The following SLC45A2 variants were observed in gnomAD, a reference collection of about 807,000 sequenced individuals.
The protein encoded by SLC45A2 is membrane-associated transporter protein.
In SLC45A2, 36 loss-of-function variants were observed where a neutral mutation model predicts 45.5. The ratio of observed to expected loss-of-function variants is 0.79; its 90% confidence interval spans 0.61 to 1.04. The LOEUF (loss-of-function observed/expected upper bound fraction) is 1.04, where lower values mean the gene tolerates loss of function less well. Ranked by LOEUF, SLC45A2 falls within the 50% of genes least tolerant of loss-of-function variation. The pLI, the probability that SLC45A2 is intolerant of heterozygous loss-of-function variation, is 0.00. For synonymous variants in SLC45A2, 306 were observed against 269.3 expected (o/e 1.14, Z -1.33); for missense variants, 719 against 671.0 (o/e 1.07, Z -0.79).
At chr5:33,966,433 T>C (rs1032990116) in intron 2 of SLC45A2, among the ~76,000 whole-genome samples, 5 of 141,668 alleles carry the variant, frequency 3.5e-5, no homozygotes, top group Admixed American at 7.0e-5. Flanking sequence ...CTTTCTTTTT[T>C]TTTTTTTTTT....
chr5:33,945,052 G>C (rs1035459831), intron 6 of SLC45A2, among the ~76,000 whole-genome samples, 180 bp from the exon 7 acceptor site: 1 of 152,228 alleles, frequency 6.6e-6, no homozygotes, highest in Non-Finnish European at 1.5e-5. Flanking sequence ...GCAATGTGGA[G>C]CTGAGTTGGC....
chr5:33,946,707 CA>C, intron 6 of SLC45A2: 3 of 1,052,246 alleles, frequency 2.9e-6, no homozygotes, highest in Non-Finnish European at 3.4e-6. Flanking sequence ...CTACCCTCAG[CA>C]AATAATGCCA....
intron 2 of SLC45A2, among the ~76,000 whole-genome samples, chr5:33,980,213 C>T (rs957594752): frequency 1.3e-5 from 2 of 152,116 alleles, no homozygotes; most frequent in African/African-American, 2.4e-5. Context: ...ACCGAACCCC[C>T]CTCCTACTCC....
At chr5:33,959,760 C>A (rs772853029) in intron 3 of SLC45A2, among the ~76,000 whole-genome samples, 1 of 152,106 alleles carries the variant, frequency 6.6e-6, no homozygotes, top group Non-Finnish European at 1.5e-5. Context: ...TTCAGCAGAT[C>A]ATACTCAACC....
At chr5:33,975,096 G>A (rs1047516347) in intron 2 of SLC45A2, among the ~76,000 whole-genome samples, 7 of 152,228 alleles carry the variant, frequency 4.6e-5, no homozygotes, top group African/African-American at 1.2e-4. Context: ...GTTGGGGAAA[G>A]AAATTGCTCT....
At chr5:33,950,399 G>T (rs1041204629) in intron 5 of SLC45A2, among the ~76,000 whole-genome samples, 1 of 152,300 alleles carries the variant, frequency 6.6e-6, no homozygotes, top group East Asian at 1.9e-4. Context: ...CTAAATAAAT[G>T]TGATCTTTAA....
At chr5:33,945,592 C>A (rs1751896764) in intron 6 of SLC45A2, among the ~76,000 whole-genome samples, 1 of 152,026 alleles carries the variant, frequency 6.6e-6, no homozygotes, top group Non-Finnish European at 1.5e-5. Flanking sequence ...TCCCTGGATG[C>A]ACATGTTATT....
intron 2 of SLC45A2, among the ~76,000 whole-genome samples, chr5:33,971,846 C>T (rs140774724): frequency 0.016 from 2,511 of 152,222 alleles, 33 homozygotes; most frequent in Non-Finnish European, 0.028. Context: ...AGGCTGGTCT[C>T]GAACTCCCGA....
chr5:33,968,318 C>T (rs1752666430), intron 2 of SLC45A2, among the ~76,000 whole-genome samples: 2 of 152,200 alleles, frequency 1.3e-5, no homozygotes, highest in Admixed American at 1.3e-4. Context: ...CCTCCCACAC[C>T]TACATCCAGA....
intron 2 of SLC45A2, among the ~76,000 whole-genome samples, chr5:33,968,449 A>T (rs1042895288): frequency 6.6e-6 from 1 of 152,196 alleles, no homozygotes; most frequent in Non-Finnish European, 1.5e-5. Flanking sequence ...TTAGATAACA[A>T]GCTTTTACAA....
At position 33,984,381 on chromosome 5, in the gene SLC45A2, C is replaced by A. The variant is rs753039715; in HGVS notation, c.203G>T (p.Ser68Ile). 5.6e-6 allele frequency: 9 copies of A among 1,613,654 alleles called. No individual in the cohort carries two copies. The highest frequency in any genetic ancestry group is 7.6e-6 in the Non-Finnish European group (9 of 1,179,830). The change falls in exon 1 of 7, where the codon AGC becomes ATC. Residue 68 changes from serine (S) to isoleucine (I), a missense_variant. Physicochemically the swap from Ser to Ile is moderately radical, Grantham distance 142. Coordinates refer to ENST00000296589, the MANE Select transcript of SLC45A2 (RefSeq NM_016180.5). ...PVLLSVGLPS[S>I]LYSIVWFLSP... is the part of the protein sequence containing the mutation. ...GAGGAACCACACAATGCTGTACAGG[C>A]TGCTGGGCAGACCTACGCTGAGCAG...
intron 4 of SLC45A2, among the ~76,000 whole-genome samples, chr5:33,952,690 T>A (rs867373267): frequency 1.9e-3 from 52 of 26,952 alleles, no homozygotes; most frequent in East Asian, 5.6e-3. Context: ...TTTTTTTTTT[T>A]AATTTTTTTT....
Position 33,982,256 on chromosome 5 carries a change from T to G in SLC45A2, c.542A>C (p.His181Pro), listed in dbSNP as rs1753099271. The change falls in exon 2 of 7, where the codon CAC (histidine) becomes CCC (proline). Residue 181 changes from histidine to proline, a missense_variant. Coordinates refer to ENST00000296589, the MANE Select transcript of SLC45A2 (RefSeq NM_016180.5). ...CCTACCTGTGAAGAGGGCATGGTAG[T>G]GGAGGCCCTTCTCCTTGTCCTGATG... ...CSHQDKEKGLHYHALFTGFGG... is the reference protein window; with the variant it reads ...CSHQDKEKGLPYHALFTGFGG... 1 of 1,613,908 alleles carries G rather than the reference T, an allele frequency of 6.2e-7. No individual in the cohort carries two copies. The highest frequency in any genetic ancestry group is 1.3e-5 in the African/African-American group (1 of 74,910).
chr5:33,979,816 A>T lies in SLC45A2; in HGVS notation c.562+2420T>A, dbSNP rs565096250. On this transcript the variant is annotated intron_variant, in intron 2 of 6. Transcript: ENST00000296589. ...ACTAGTATTTCAGATTTACTTTAGG[A>T]TGACCTTGGCCGAGAGGAAGGGTCC... Among the ~76,000 whole-genome samples, 150 of 152,322 alleles carry T rather than the reference A, an allele frequency of 9.8e-4. 1 individual carries two copies. Among genetic ancestry groups the T allele is most frequent in the African/African-American group, 3.4e-3 (143 of 41,570 alleles).
rs374730575 is a variant in SLC45A2 at position 33,947,259 on chromosome 5, G to T, written c.1272C>A (p.Thr424=). 33 of 1,614,194 alleles carry T rather than the reference G, an allele frequency of 2.0e-5. No homozygotes were observed. Among genetic ancestry groups the T allele is most frequent in the East Asian group, 1.8e-4 (8 of 44,876 alleles). ...CACCAAACAGGCTGCACAGGACCAGGGTGGAGTAGACATTCGGGAAGAGCC... is the reference window on the plus strand; with the variant it reads ...CACCAAACAGGCTGCACAGGACCAGTGTGGAGTAGACATTCGGGAAGAGCC... ...FIGLFPNVYS[T]LVLCSLFGVM... Residue 424 remains threonine (T), a synonymous_variant, in exon 6 of 7, where the codon ACC becomes ACA. Transcript: ENST00000296589.
rs1299415592 is a variant in SLC45A2 at position 33,984,555 on chromosome 5, C to T, written c.29G>A (p.Arg10His). 1.9e-6 allele frequency: 3 copies of T among 1,611,274 alleles called. No individual in the cohort carries two copies. Among genetic ancestry groups the T allele is most frequent in the Middle Eastern group, 1.7e-4 (1 of 6,006 alleles). MGSNSGQAGRHIYKSLADDG... is the reference protein window; with the variant it reads MGSNSGQAGHHIYKSLADDG... Reference sequence around the variant, plus strand: ...ATCAGCTAGGGATTTATAGATGTGGCGGCCAGCCTGCCCACTGTTGCTACC... The same window carrying T: ...ATCAGCTAGGGATTTATAGATGTGGTGGCCAGCCTGCCCACTGTTGCTACC... Residue 10 changes from arginine to histidine, a missense_variant, in exon 1 of 7, where the codon CGC (arginine) becomes CAC (histidine). Physicochemically the swap from Arg to His is conservative, Grantham distance 29. Transcript: ENST00000296589.
At chr5:33,984,115 G>T in intron 1 of SLC45A2, 84 bp downstream of exon 1, 4 of 1,582,860 alleles carry the variant, frequency 2.5e-6, no homozygotes, top group Non-Finnish European at 3.5e-6. Context: ...TCTAGGAAAG[G>T]TCAAACACAT....
intron 2 of SLC45A2, among the ~76,000 whole-genome samples, chr5:33,965,657 G>A (rs1174890027): frequency 6.6e-6 from 1 of 152,210 alleles, no homozygotes; most frequent in Non-Finnish European, 1.5e-5. Flanking sequence ...AGAAGGTCCT[G>A]AAACAGCCAC....
At chr5:33,945,479 A>G (rs1751891484) in intron 6 of SLC45A2, among the ~76,000 whole-genome samples, 1 of 151,992 alleles carries the variant, frequency 6.6e-6, no homozygotes, top group Non-Finnish European at 1.5e-5. Context: ...AATACTTGAT[A>G]TTTCTTCCGA....
Sources: allele counts gnomAD v4.1 joint callset (sites outside exome capture counted in the v4.1 genomes callset), GRCh38; gene constraint gnomAD v4.1.1; transcripts MANE v1.5; gene names NCBI Gene and HGNC (gene_info 2026-07-23, HGNC 2026-07-21).